Variants in CHODL observed in about 807,000 individuals in gnomAD.
CHODL encodes transmembrane protein MT75.
A neutral mutation model predicts 34.5 loss-of-function variants in CHODL; 29 were observed. The observed-to-expected ratio is 0.84, with a 90% CI of 0.63 to 1.15. The LOEUF (loss-of-function observed/expected upper bound fraction) is 1.15, where lower values mean the gene tolerates loss of function less well. CHODL is among the 50% of genes most tolerant of loss of function. The probability of loss-of-function intolerance (pLI) is 0.00; values close to 1 mark genes in which losing one functional copy is unlikely to be tolerated. For missense variants in CHODL, 332 were observed against 332.5 expected (o/e 1.00, Z 0.01); for synonymous variants, 125 against 116.1 (o/e 1.08, Z -0.49).
chr21:18,170,627 G>T (rs2073215898), intron 2 of CHODL, among the ~76,000 whole-genome samples: 1 of 151,998 alleles, frequency 6.6e-6, no homozygotes. Context: ...CTCTATTTCA[G>T]TTAATACCAA....
At chr21:18,157,320 G>T (rs574836443) in intron 2 of CHODL, among the ~76,000 whole-genome samples, 1 of 151,218 alleles carries the variant, frequency 6.6e-6, no homozygotes, top group Non-Finnish European at 1.5e-5. Flanking sequence ...CATCAATATT[G>T]CCATTATTAC....
intron 2 of CHODL, among the ~76,000 whole-genome samples, chr21:18,117,688 TAAGA>T (rs1445905209): frequency 5.3e-4 from 80 of 150,612 alleles, no homozygotes; most frequent in African/African-American, 1.6e-3. Context: ...TTTAATTAAA[TAAGA>T]ATAAATAAAT....
chr21:18,191,369 A>G (rs546116237), intron 2 of CHODL, among the ~76,000 whole-genome samples: 63 of 152,286 alleles, frequency 4.1e-4, no homozygotes, highest in Non-Finnish European at 2.9e-4. Flanking sequence ...ATAGAACATA[A>G]CCTACTCAGC....
chr21:18,127,701 T>TTTTTTTTTTA (rs2072592150), intron 2 of CHODL, among the ~76,000 whole-genome samples: 1 of 128,102 alleles, frequency 7.8e-6, no homozygotes, highest in African/African-American at 2.9e-5. Context: ...TTTTTTTTTT[T>TTTTTTTTTTA]AGCTTAAAAC....
At chr21:18,004,339 A>G (rs764673152) in intron 1 of CHODL, among the ~76,000 whole-genome samples, 10 of 152,242 alleles carry the variant, frequency 6.6e-5, no homozygotes, top group Non-Finnish European at 1.3e-4. Context: ...AGTGGTGTCA[A>G]AGGTCTAAAT....
intron 1 of CHODL, among the ~76,000 whole-genome samples, chr21:17,962,134 G>A (rs2063536652): frequency 1.3e-5 from 2 of 152,100 alleles, no homozygotes. Flanking sequence ...TATTTTCAGG[G>A]GTGTGGGAAA....
intron 1 of CHODL, among the ~76,000 whole-genome samples, chr21:18,025,279 C>T (rs1427934717): frequency 2.6e-5 from 4 of 152,110 alleles, no homozygotes; most frequent in East Asian, 1.9e-4. Context: ...CTAGCTTAAC[C>T]TTATATATTA....
intron 1 of CHODL, among the ~76,000 whole-genome samples, chr21:17,977,355 G>A (rs1006586067): frequency 1.7e-4 from 25 of 146,568 alleles, no homozygotes; most frequent in African/African-American, 5.7e-4. Flanking sequence ...GGTGTTGTTG[G>A]CTGTTTTACT....
chr21:18,082,044 C>A (rs1874859035), intron 2 of CHODL, among the ~76,000 whole-genome samples: 1 of 152,170 alleles, frequency 6.6e-6, no homozygotes, highest in Admixed American at 6.5e-5. Context: ...TGTGTCCCCA[C>A]CCAAATCTCA....
intron 3 of CHODL, among the ~76,000 whole-genome samples, chr21:18,258,202 G>C (rs66742725): frequency 0.11 from 16,208 of 151,438 alleles, 1,196 homozygotes; most frequent in African/African-American, 0.21. Flanking sequence ...TTTATCCCTG[G>C]TGAGTTTATT....
At chr21:18,188,664 A>G (rs2073473949) in intron 2 of CHODL, among the ~76,000 whole-genome samples, 1 of 152,250 alleles carries the variant, frequency 6.6e-6, no homozygotes, top group African/African-American at 2.4e-5. Flanking sequence ...CCCAAAGAAC[A>G]CAATCTGAAT....
At chr21:18,121,049 G>A (rs2065473198) in intron 2 of CHODL, among the ~76,000 whole-genome samples, 2 of 152,006 alleles carry the variant, frequency 1.3e-5, no homozygotes, top group Non-Finnish European at 1.5e-5. Context: ...TTGTACCCTG[G>A]CTGTCTGTTT....
intron 1 of CHODL, among the ~76,000 whole-genome samples, chr21:18,015,811 C>A (rs757334141): frequency 6.6e-6 from 1 of 152,136 alleles, no homozygotes; most frequent in Admixed American, 6.5e-5. Context: ...TGCCCCTGGT[C>A]TAAGTATCTG....
intron 2 of CHODL, among the ~76,000 whole-genome samples, chr21:18,184,977 G>A (rs921835060): frequency 6.6e-6 from 1 of 151,956 alleles, no homozygotes; most frequent in Non-Finnish European, 1.5e-5. Flanking sequence ...ATTGTTCAGG[G>A]AACTGCCAGC....
intron 2 of CHODL, among the ~76,000 whole-genome samples, chr21:18,067,602 A>C (rs144679095): frequency 7.2e-5 from 11 of 152,348 alleles, no homozygotes; most frequent in Non-Finnish European, 1.5e-4. Flanking sequence ...TCTAGTCGTT[A>C]GACTATGAAA....
At chr21:18,174,334 A>G (rs1178533470) in intron 2 of CHODL, among the ~76,000 whole-genome samples, 3 of 151,542 alleles carry the variant, frequency 2.0e-5, no homozygotes, top group South Asian at 2.1e-4. Flanking sequence ...ATTTTTTTAT[A>G]CTAGGTAAAG....
intron 1 of CHODL, among the ~76,000 whole-genome samples, chr21:17,966,947 G>A (rs986984058): frequency 4.0e-5 from 6 of 151,126 alleles, no homozygotes; most frequent in Non-Finnish European, 7.4e-5. Context: ...GTGCAGTGGC[G>A]CGATCTTGGC....
chr21:17,987,673 A>C (rs2063764320), intron 1 of CHODL, among the ~76,000 whole-genome samples: 1 of 152,208 alleles, frequency 6.6e-6, no homozygotes, highest in Non-Finnish European at 1.5e-5. Context: ...ACACTGACTT[A>C]ATAGAAAAGC....
At chr21:18,074,866 T>C (rs1225977538) in intron 2 of CHODL, among the ~76,000 whole-genome samples, 2 of 152,012 alleles carry the variant, frequency 1.3e-5, no homozygotes, top group African/African-American at 4.8e-5. Flanking sequence ...GAGGAGCCCG[T>C]AGAAAGAATG....
Sources: allele counts gnomAD v4.1 joint callset (sites outside exome capture counted in the v4.1 genomes callset), GRCh38; gene constraint gnomAD v4.1.1; transcripts MANE v1.5; gene names NCBI Gene and HGNC (gene_info 2026-07-23, HGNC 2026-07-21).